Variants in SOX5 observed in about 807,000 individuals in gnomAD.
The protein encoded by SOX5 is SRY-box transcription factor 5, also known as transcription factor SOX-5.
SOX5 carries 9 observed loss-of-function variants against 92.0 expected under a neutral mutation model. That is an observed-to-expected ratio of 0.10 (90% CI 0.06 to 0.17). SOX5 has a LOEUF of 0.17. Ranked by LOEUF, SOX5 falls within the 10% of genes least tolerant of loss-of-function variation. The pLI, the probability that SOX5 is intolerant of heterozygous loss-of-function variation, is 1.00. For missense variants in SOX5, 642 were observed against 944.5 expected (o/e 0.68, Z 4.20); for synonymous variants, 344 against 336.3 (o/e 1.02, Z -0.25).
At chr12:24,287,707 A>T (rs1946073094) in intron 2 of SOX5, among the ~76,000 whole-genome samples, 2 of 150,708 alleles carry the variant, frequency 1.3e-5, no homozygotes, top group South Asian at 4.2e-4. Context: ...TGTCCTAAAA[A>T]TTATAGATCT....
intron 6 of SOX5, among the ~76,000 whole-genome samples, chr12:23,704,199 A>T (rs755667241): frequency 6.6e-6 from 1 of 151,812 alleles, no homozygotes; most frequent in Non-Finnish European, 1.5e-5. Flanking sequence ...AGTTTTTATT[A>T]TCTTAAAGAT....
chr12:24,304,804 C>A (rs538995460), intron 2 of SOX5, among the ~76,000 whole-genome samples: 4 of 152,238 alleles, frequency 2.6e-5, no homozygotes, highest in Admixed American at 6.5e-5. Flanking sequence ...TGATTCCGTG[C>A]CCCAAGAAAG....
chr12:24,120,146 G>A (rs1258709868), intron 4 of SOX5, among the ~76,000 whole-genome samples: 8 of 152,012 alleles, frequency 5.3e-5, no homozygotes, highest in African/African-American at 1.9e-4. Flanking sequence ...TGTATCTTTC[G>A]GTGAGCATAT....
chr12:23,865,327 T>A (rs915768221), intron 2 of SOX5, among the ~76,000 whole-genome samples: 1 of 152,208 alleles, frequency 6.6e-6, no homozygotes. Flanking sequence ...CAATATCCAT[T>A]CTGCAGCCCA....
At chr12:24,381,549 G>A (rs1957825053) in intron 1 of SOX5, among the ~76,000 whole-genome samples, 1 of 152,186 alleles carries the variant, frequency 6.6e-6, no homozygotes, top group Non-Finnish European at 1.5e-5. Flanking sequence ...TGGATGGGGT[G>A]AGAGCATGTT....
chr12:24,254,738 T>TATATATATATATATATATATA, intron 3 of SOX5, among the ~76,000 whole-genome samples: 1 of 151,446 alleles, frequency 6.6e-6, no homozygotes, highest in East Asian at 1.9e-4. Flanking sequence ...TATATATATA[T>TATATATATATATATATATATA]TTCCTATGAC....
chr12:24,437,920 T>A (rs922513905), intron 1 of SOX5, among the ~76,000 whole-genome samples: 13 of 152,174 alleles, frequency 8.5e-5, no homozygotes, highest in African/African-American at 2.9e-4. Context: ...GACCCAGCAA[T>A]CCCATTACTG....
intron 2 of SOX5, among the ~76,000 whole-genome samples, chr12:23,885,742 T>C (rs2097056957): frequency 6.6e-6 from 1 of 152,160 alleles, no homozygotes; most frequent in South Asian, 2.1e-4. Flanking sequence ...TGTAACCAAA[T>C]GGGCCATTTA....
intron 3 of SOX5, among the ~76,000 whole-genome samples, chr12:23,826,274 GTT>G (rs2096232659): frequency 2.6e-5 from 4 of 150,990 alleles, no homozygotes; most frequent in Admixed American, 6.6e-5. Context: ...ATCATGTGGT[GTT>G]TGGGTTTTTT....
At chr12:23,953,406 T>A (rs1400639562), upstream of SOX5, among the ~76,000 whole-genome samples, 1 of 152,078 alleles carries the variant, frequency 6.6e-6, no homozygotes, top group Non-Finnish European at 1.5e-5. Context: ...GCTTAAGATA[T>A]TCAATTGACT....
intron 4 of SOX5, among the ~76,000 whole-genome samples, chr12:24,062,464 C>G (rs896846203): frequency 6.6e-6 from 1 of 152,180 alleles, no homozygotes. Context: ...CTAAATGTTT[C>G]TGTGTGACAG....
At chr12:23,574,367 A>G (rs7298932) in intron 10 of SOX5, among the ~76,000 whole-genome samples, 14,554 of 152,172 alleles carry the variant, frequency 0.096, 948 homozygotes, top group Non-Finnish European at 0.15. Flanking sequence ...TTCAACACAT[A>G]TTACATTTTT....
intron 3 of SOX5, among the ~76,000 whole-genome samples, chr12:24,270,712 T>C (rs950030794): frequency 3.9e-5 from 6 of 152,204 alleles, no homozygotes; most frequent in Non-Finnish European, 8.8e-5. Context: ...TCCCTGGCTT[T>C]TACACTAGTA....
chr12:24,310,769 G>A (rs1158398219), intron 2 of SOX5, among the ~76,000 whole-genome samples: 1 of 152,058 alleles, frequency 6.6e-6, no homozygotes, highest in Non-Finnish European at 1.5e-5. Flanking sequence ...TCATATGACA[G>A]GGAAACAGAC....
At chr12:23,970,625 T>A (rs1437167988) in intron 4 of SOX5, among the ~76,000 whole-genome samples, 1 of 151,284 alleles carries the variant, frequency 6.6e-6, no homozygotes, top group Non-Finnish European at 1.5e-5. Context: ...GTATAATTGT[T>A]TTTTATGGCT....
chr12:23,582,511 A>G (rs532981384), intron 9 of SOX5, among the ~76,000 whole-genome samples: 1 of 152,272 alleles, frequency 6.6e-6, no homozygotes, highest in Non-Finnish European at 1.5e-5. Context: ...AGGTTCCTAA[A>G]AATCAAGTCT....
intron 4 of SOX5, among the ~76,000 whole-genome samples, chr12:24,111,648 C>T (rs2138151937): frequency 6.6e-6 from 1 of 152,044 alleles, no homozygotes; most frequent in Non-Finnish European, 1.5e-5. Flanking sequence ...CATGATGTTC[C>T]TTATGTATGA....
chr12:24,187,081 C>T (rs1384054493), intron 4 of SOX5, among the ~76,000 whole-genome samples: 1 of 152,124 alleles, frequency 6.6e-6, no homozygotes, highest in Non-Finnish European at 1.5e-5. Context: ...GAGGGCAGGC[C>T]ACTGAGATAG....
chr12:24,026,739 G>A (rs10505927), intron 4 of SOX5, among the ~76,000 whole-genome samples: 11,670 of 151,854 alleles, frequency 0.077, 639 homozygotes, highest in Non-Finnish European at 0.12. Context: ...CTGCAACTGT[G>A]TTAATGTAAA....
Sources: allele counts gnomAD v4.1 joint callset (sites outside exome capture counted in the v4.1 genomes callset), GRCh38; gene constraint gnomAD v4.1.1; transcripts MANE v1.5; gene names NCBI Gene and HGNC (gene_info 2026-07-23, HGNC 2026-07-21).